The following KAZN variants were observed in gnomAD, a reference collection of about 807,000 sequenced individuals.
KAZN encodes the protein kazrin.
Under a neutral mutation model 87.4 loss-of-function variants are expected in KAZN, and 40 were observed. The observed-to-expected ratio is 0.46, with a 90% CI of 0.36 to 0.60. The LOEUF is 0.60. Among genes scored for constraint, KAZN ranks in the 20% least tolerant of loss-of-function variants. The probability of loss-of-function intolerance (pLI) is 0.00; values close to 1 mark genes in which losing one functional copy is unlikely to be tolerated. For missense variants in KAZN, 898 were observed against 1,073.9 expected (o/e 0.84, Z 2.29); for synonymous variants, 466 against 458.3 (o/e 1.02, Z -0.22).
intron 2 of KAZN, among the ~76,000 whole-genome samples, chr1:14,961,239 G>A (rs895334358): frequency 2.0e-5 from 3 of 152,206 alleles, no homozygotes; most frequent in Non-Finnish European, 2.9e-5. Context: ...GGCATAGTGT[G>A]GCTACGCTGA....
chr1:15,075,744 A>G (rs1639709945), intron 8 of KAZN, among the ~76,000 whole-genome samples: 1 of 152,180 alleles, frequency 6.6e-6, no homozygotes, highest in South Asian at 2.1e-4. Context: ...CAGCACCCAC[A>G]TGAGGCAGAA....
intron 2 of KAZN, among the ~76,000 whole-genome samples, chr1:14,185,011 G>A (rs1334205832): frequency 6.6e-6 from 1 of 152,170 alleles, no homozygotes; most frequent in Non-Finnish European, 1.5e-5. Flanking sequence ...CTTTCTAGCT[G>A]CTGCCGGCTT....
chr1:14,100,953 C>T (rs4662103), intron 1 of KAZN, among the ~76,000 whole-genome samples: 9,752 of 152,242 alleles, frequency 0.064, 1,019 homozygotes, highest in East Asian at 0.54. Context: ...CACAAGCTCT[C>T]CCTTTGCCTG....
chr1:13,949,034 C>T (rs764177410), intron 1 of KAZN, among the ~76,000 whole-genome samples: 14 of 152,268 alleles, frequency 9.2e-5, no homozygotes, highest in Middle Eastern at 3.4e-3. Context: ...TCAATAAATA[C>T]GCTGATAAAT....
intron 2 of KAZN, among the ~76,000 whole-genome samples, chr1:14,320,707 G>A (rs1655987724): frequency 6.6e-6 from 1 of 152,142 alleles, no homozygotes; most frequent in Admixed American, 6.5e-5. Context: ...TTTAAATACA[G>A]TGACTTTTTC....
chr1:14,308,699 T>C (rs756343284), intron 2 of KAZN, among the ~76,000 whole-genome samples: 1 of 152,162 alleles, frequency 6.6e-6, no homozygotes, highest in Non-Finnish European at 1.5e-5. Context: ...ATGGAGATGA[T>C]AGAGTACCTA....
intron 1 of KAZN, among the ~76,000 whole-genome samples, chr1:14,699,940 G>T (rs1641830505): frequency 2.6e-5 from 4 of 152,180 alleles, no homozygotes; most frequent in Admixed American, 2.6e-4. Flanking sequence ...GCCAGACAAA[G>T]CTCTAGAGAG....
chr1:14,328,567 G>T (rs1041331239), intron 2 of KAZN, among the ~76,000 whole-genome samples: 1 of 151,988 alleles, frequency 6.6e-6, no homozygotes, highest in Non-Finnish European at 1.5e-5. Context: ...GCTGGGCGTG[G>T]TGGTGAGCGC....
chr1:15,106,239 CCA>C (rs1188675088), intron 13 of KAZN, among the ~76,000 whole-genome samples: 1 of 152,142 alleles, frequency 6.6e-6, no homozygotes, highest in Non-Finnish European at 1.5e-5. Context: ...TATGATTATG[CCA>C]CTGTACTCCA....
intron 1 of KAZN, among the ~76,000 whole-genome samples, chr1:14,720,672 T>C (rs1643048615): frequency 6.6e-6 from 1 of 152,210 alleles, no homozygotes; most frequent in Non-Finnish European, 1.5e-5. Flanking sequence ...CAGACTGCCC[T>C]TCGCTCACAT....
At chr1:14,021,951 T>G (rs140210479) in intron 1 of KAZN, among the ~76,000 whole-genome samples, 3 of 110,446 alleles carry the variant, frequency 2.7e-5, no homozygotes, top group African/African-American at 1.0e-4. Flanking sequence ...TGAATGAACA[T>G]GCTTTTTTTT....
intron 1 of KAZN, among the ~76,000 whole-genome samples, chr1:14,800,057 T>A (rs892382046): frequency 2.0e-5 from 3 of 152,114 alleles, no homozygotes; most frequent in Non-Finnish European, 4.4e-5. Context: ...AAGGCTTGGA[T>A]GTATTGGGAA....
intron 1 of KAZN, among the ~76,000 whole-genome samples, chr1:14,149,246 C>A (rs561683605): frequency 1.3e-5 from 2 of 150,662 alleles, no homozygotes; most frequent in East Asian, 3.9e-4. Flanking sequence ...GGACTACAGG[C>A]GTGTGCCACC....
At chr1:14,765,593 G>A (rs1396471457) in intron 1 of KAZN, among the ~76,000 whole-genome samples, 1 of 152,208 alleles carries the variant, frequency 6.6e-6, no homozygotes, top group Non-Finnish European at 1.5e-5. Context: ...GAGAGACAGG[G>A]AGAGCCTTCA....
At chr1:14,096,580 G>C (rs1485780391) in intron 1 of KAZN, among the ~76,000 whole-genome samples, 1 of 152,224 alleles carries the variant, frequency 6.6e-6, no homozygotes, top group Non-Finnish European at 1.5e-5. Context: ...GTGATCAGGA[G>C]AATTGACATT....
In KAZN at chr1:14,419,867, G is replaced by A. The variant is rs115978174; in HGVS notation, c.250-179116G>A. On this transcript the variant is annotated intron_variant, in intron 2 of 16. Transcript: ENST00000636203. ...AGACACCTTTGCGGCGAGTATTACA[G>A]CTCGCACAGACAGTGAGACCCCAAA... 4.6e-3 allele frequency among the ~76,000 whole-genome samples: 701 copies of A among 152,238 alleles called. 2 individuals are homozygous for A. The highest frequency in any genetic ancestry group is 0.015 in the African/African-American group (638 of 41,508).
chr1:15,020,379 C>G (rs1670544626), intron 2 of KAZN, among the ~76,000 whole-genome samples: 1 of 152,162 alleles, frequency 6.6e-6, no homozygotes, highest in Non-Finnish European at 1.5e-5. Context: ...GCACCCAGAT[C>G]AAGAATAGGA....
intron 1 of KAZN, among the ~76,000 whole-genome samples, chr1:14,087,624 C>T (rs1161705040): frequency 2.0e-5 from 3 of 151,896 alleles, no homozygotes; most frequent in Admixed American, 2.0e-4. Context: ...GAGGAAGTTC[C>T]TTTCTATTCT....
At chr1:14,847,006 G>C (rs919509186) in intron 1 of KAZN, among the ~76,000 whole-genome samples, 1 of 152,178 alleles carries the variant, frequency 6.6e-6, no homozygotes. Context: ...CCTGCTCTAA[G>C]TCACAGCGAG....
Sources: allele counts gnomAD v4.1 joint callset (sites outside exome capture counted in the v4.1 genomes callset), GRCh38; gene constraint gnomAD v4.1.1; transcripts MANE v1.5; gene names NCBI Gene and HGNC (gene_info 2026-07-23, HGNC 2026-07-21).